GGA1: variants seen among roughly 807,000 people sequenced by gnomAD.
GGA1 encodes the protein ADP-ribosylation factor-binding protein GGA1.
GGA1 carries 18 observed loss-of-function variants against 76.9 expected under a neutral mutation model. The ratio of observed to expected loss-of-function variants is 0.23; its 90% CI spans 0.16 to 0.35. The LOEUF (loss-of-function observed/expected upper bound fraction) is 0.35. Ranked by LOEUF, GGA1 falls within the 10% of genes least tolerant of loss-of-function variation. GGA1 has a pLI of 1.00. For missense variants in GGA1, 755 were observed against 859.0 expected, an observed-to-expected ratio of 0.88 and a Z score of 1.51; for synonymous variants, 342 against 354.7, an observed-to-expected ratio of 0.96 and a Z score of 0.40.
Position 37,632,620 on chromosome 22 carries a change from A to G in GGA1, c.1829A>G (p.Tyr610Cys). The G allele has an allele frequency of 6.2e-7, 1 of 1,612,888 alleles. No individual in the cohort carries two copies. Among genetic ancestry groups the G allele is most frequent in the Non-Finnish European group, 8.5e-7 (1 of 1,179,014 alleles). The change falls in exon 17 of 17, where the codon TAC (tyrosine) becomes TGC (cysteine). Residue 610 changes from tyrosine to cysteine, a missense_variant. Tyr to Cys is a radical substitution (Grantham distance 194). Coordinates refer to ENST00000343632, the MANE Select transcript of GGA1 (RefSeq NM_013365.5). This position sits in a 1 kb window ranked among gnomAD's most constrained non-coding sequence, Gnocchi z 5.1. The part of the protein sequence containing the change: ...NPQKEKVRLR[Y>C]KLTFTMGDQT... ...CCCCAGGAGAAGGTTCGCCTCCGCT[A>G]CAAGCTCACCTTCACCATGGGTGAC...
At chr22:37,629,391 A>G (rs1272239311) in intron 11 of GGA1, 71 bp from the exon 12 acceptor site, 5 of 1,062,610 alleles carry the variant, frequency 4.7e-6, no homozygotes, top group Admixed American at 4.4e-5. Context: ...GCCAGCACAC[A>G]TGGCCCCTCG....
chr22:37,613,293 G>C (rs1260895945), intron 1 of GGA1: 1 of 393,302 alleles, frequency 2.5e-6, no homozygotes, highest in Non-Finnish European at 3.5e-6. Context: ...AGGTGTACCA[G>C]CTCCAGCCTG....
At chr22:37,628,527 A>G (rs964591606) in intron 11 of GGA1, among the ~76,000 whole-genome samples, 13 of 152,056 alleles carry the variant, frequency 8.5e-5, no homozygotes, top group Admixed American at 2.0e-4. Flanking sequence ...CTTTGAGTCC[A>G]TTTTCTTATC....
At chr22:37,616,223 G>A (rs771082267) in intron 2 of GGA1, among the ~76,000 whole-genome samples, 6 of 152,148 alleles carry the variant, frequency 3.9e-5, no homozygotes, top group Non-Finnish European at 5.9e-5. Flanking sequence ...CTTTGGAGTC[G>A]TGCTGCTTGG....
chr22:37,632,369 A>G lies in GGA1; in HGVS notation c.1699-36A>G. On this transcript the variant is annotated intron_variant, in intron 15 of 16. Coordinates refer to ENST00000343632, the MANE Select transcript of GGA1 (RefSeq NM_013365.5). The surrounding 1 kb of genome is among the most constrained non-coding windows in gnomAD (Gnocchi z 5.1). ...GTTCCTCAGAGCAGGACAAGCAGCC[A>G]GGGCTAGCTGTGCCCATCCTGCCAT... is the stretch of plus-strand genomic sequence containing the variant. The G allele has an allele frequency of 6.8e-7, 1 of 1,475,488 alleles. No homozygotes were observed. Among genetic ancestry groups the G allele is most frequent in the Non-Finnish European group, 9.5e-7 (1 of 1,053,864 alleles). 91.4% of individuals were successfully genotyped at this position (1,475,488 alleles called of 1,614,324 possible).
At position 37,623,371 on chromosome 22, in the gene GGA1, CGAG is replaced by C. The variant is rs1568984793; in HGVS notation, c.659_661del (p.Glu220del). The C allele has an allele frequency of 6.2e-7, 1 of 1,613,796 alleles. No individual in the cohort carries two copies. Among genetic ancestry groups the C allele is most frequent in the Non-Finnish European group, 8.5e-7 (1 of 1,179,726 alleles). On this transcript the variant is annotated inframe_deletion, in exon 8 of 17. Coordinates refer to ENST00000343632, the MANE Select transcript of GGA1 (RefSeq NM_013365.5). This position sits in a 1 kb window ranked among gnomAD's most constrained non-coding sequence, Gnocchi z 4.6. ...AGATCTCGAAGAGGGTGAATGCCAT[CGAG>C]GAGGTGAACAACAATGTGAAACTGC... is the stretch of plus-strand genomic sequence containing the variant.
intron 11 of GGA1, among the ~76,000 whole-genome samples, chr22:37,627,646 C>G (rs528338380): frequency 2.0e-5 from 3 of 152,354 alleles, no homozygotes; most frequent in African/African-American, 7.2e-5. Context: ...GCAGCTGCAG[C>G]ACCACCTCCA....
chr22:37,620,931 CA>C lies in GGA1; in HGVS notation c.528+19del, dbSNP rs745980233. 1.4e-6 allele frequency: 2 copies of C among 1,472,816 alleles called. No homozygotes were observed. The highest frequency in any genetic ancestry group is 3.3e-5 in the Admixed American group (2 of 59,860). The allele number at this position is 1,472,816 out of a possible 1,614,324, so 91.2% of individuals were successfully genotyped here. On this transcript the variant is annotated intron_variant, in intron 6 of 16. Transcript: ENST00000343632. The stretch of plus-strand genomic sequence containing the variant: ...AATCCAAGGTGAGACTCCAAGGAGG[CA>C]CATATGGGGACTCTGAGCCCAGGTG...
chr22:37,620,664 GC>G, intron 5 of GGA1, 148 bp from the exon 6 acceptor site: 1 of 659,578 alleles, frequency 1.5e-6, no homozygotes, highest in Non-Finnish European at 2.7e-6. Context: ...GTAGGAGTAG[GC>G]CCAGGCCACT....
At chr22:37,609,140 C>A (rs1016962626) in intron 1 of GGA1, 1 of 1,469,544 alleles carries the variant, frequency 6.8e-7, no homozygotes, top group African/African-American at 1.5e-5. Flanking sequence ...TGGGCCATGA[C>A]CCCTGGGACG....
chr22:37,619,253 G>A (rs986225656), intron 4 of GGA1, among the ~76,000 whole-genome samples: 3 of 151,772 alleles, frequency 2.0e-5, no homozygotes, highest in African/African-American at 4.8e-5. Flanking sequence ...TTTTAGTAGA[G>A]ATGGGGTTTC....
Position 37,630,948 on chromosome 22 carries a change from G to A in GGA1, c.1377G>A (p.Gln459=), listed in dbSNP as rs754500306. The A allele has an allele frequency of 1.2e-6, 2 of 1,613,398 alleles. No homozygotes were observed. The highest frequency in any genetic ancestry group is 3.3e-5 in the Admixed American group (2 of 59,906). Residue 459 remains glutamine, a synonymous_variant, in exon 14 of 17, where the codon CAG becomes CAA. Coordinates refer to ENST00000343632, the MANE Select transcript of GGA1 (RefSeq NM_013365.5). ...PTPRLTLRDL[Q]NKSSSCSSPS... ...CCCGGCTCACACTCCGGGACCTGCA[G>A]AATAAGAGCAGCAGCTGCAGCTCCC...
intron 1 of GGA1, 136 bp downstream of exon 1, chr22:37,609,039 C>T (rs1926934586): frequency 2.1e-6 from 3 of 1,446,446 alleles, no homozygotes; most frequent in African/African-American, 3.0e-5. Flanking sequence ...GCGGTGTCCT[C>T]AGTCGGCCCC....
intron 13 of GGA1, among the ~76,000 whole-genome samples, chr22:37,630,460 G>A (rs1340762965): frequency 6.6e-6 from 1 of 152,208 alleles, no homozygotes; most frequent in African/African-American, 2.4e-5. Flanking sequence ...GGGGTGCAGG[G>A]TGGAGGGAGA....
chr22:37,633,185 G>T lies in GGA1; in HGVS notation c.*474G>T, dbSNP rs913618462. On this transcript the variant is annotated 3_prime_UTR_variant, in exon 17 of 17. Coordinates refer to ENST00000343632, the MANE Select transcript of GGA1 (RefSeq NM_013365.5). ...TCCATAGGAACCCAGTGACTGGGGG[G>T]TGACGCCTACACCCCCAGCTATTTG... 3.2e-5 allele frequency: 5 copies of T among 157,854 alleles called. No individual in the cohort carries two copies. Among genetic ancestry groups the T allele is most frequent in the Admixed American group, 6.2e-5 (1 of 16,230 alleles). The allele number at this position is 157,854 out of a possible 1,614,324, so 9.8% of individuals were successfully genotyped here.
At position 37,623,185 on chromosome 22, in the gene GGA1, C is replaced by G. The variant is rs1601536135; in HGVS notation, c.610-142C>G. 8 of 813,948 alleles carry G rather than the reference C, an allele frequency of 9.8e-6. No homozygotes were observed. In the East Asian group the frequency reaches 1.7e-4, roughly 17 times the overall value. The allele number at this position is 813,948 out of a possible 1,614,324, so 50.4% of individuals were successfully genotyped here. On this transcript the variant is annotated intron_variant, in intron 7 of 16. Coordinates refer to ENST00000343632, the MANE Select transcript of GGA1 (RefSeq NM_013365.5). This position sits in a 1 kb window ranked among gnomAD's most constrained non-coding sequence, Gnocchi z 4.6. ...AGGCATGAGGGGCTCCTGGCAGGGC[C>G]TGCTGGAGCCCCACCCAGAGTGTGA...
rs1931817575 is a variant in GGA1 at position 37,631,660 on chromosome 22, C to A, written c.1529-336C>A. ...GCTCAGAGAAGGGGAGTGACTGCCG[C>A]AAGGTCACACAGCGTGAGACTCACC... is the stretch of plus-strand genomic sequence containing the variant. On this transcript the variant is annotated intron_variant, in intron 14 of 16. Coordinates refer to ENST00000343632, the MANE Select transcript of GGA1 (RefSeq NM_013365.5). 2.0e-5 allele frequency among the ~76,000 whole-genome samples: 3 copies of A among 152,226 alleles called. No homozygotes were observed. The South Asian group carries it at 6.2e-4, about 31-fold the overall frequency.
chr22:37,626,544 C>T (rs1364482805), intron 11 of GGA1: 1 of 152,230 alleles, frequency 6.6e-6, no homozygotes, highest in Non-Finnish European at 1.5e-5. Flanking sequence ...GCAGCCCCAT[C>T]CGAGAGCTGA....
rs765578775 is a variant in GGA1 at position 37,620,871 on chromosome 22, A to G, written c.486A>G (p.Pro162=). 3 of 1,609,978 alleles carry G rather than the reference A, an allele frequency of 1.9e-6. No individual in the cohort carries two copies. Among genetic ancestry groups the G allele is most frequent in the Non-Finnish European group, 2.5e-6 (3 of 1,176,536 alleles). Residue 162 remains proline, a synonymous_variant, in exon 6 of 17, where the codon CCA becomes CCG. Coordinates refer to ENST00000343632, the MANE Select transcript of GGA1 (RefSeq NM_013365.5). ...ACACTACCTTTCCCCTTCCTCCTCC[A>G]CGGCCGAAGAATGTGATCTTTGAAG... ...PDDTTFPLPP[P]RPKNVIFEDE...
Sources: gnomAD v4.1 joint callset for allele counts (sites outside exome capture counted in the v4.1 genomes callset) on GRCh38, gnomAD v4.1.1 for gene constraint, Gnocchi (gnomAD v3.1) non-coding constraint, MANE v1.5 for transcripts, NCBI Gene and HGNC (gene_info 2026-07-23, HGNC 2026-07-21) for gene names.